MARCHF3: variants seen among roughly 807,000 people sequenced by gnomAD.
MARCHF3 encodes the protein E3 ubiquitin-protein ligase MARCHF3.
MARCHF3 carries 13 observed loss-of-function variants against 24.2 expected under a neutral mutation model. That is an observed-to-expected ratio of 0.54 (90% confidence interval 0.35 to 0.85). The LOEUF is 0.85. Among genes scored for constraint, MARCHF3 ranks in the 40% least tolerant of loss-of-function variants. MARCHF3 has a pLI of 0.01. For missense variants in MARCHF3, 276 were observed against 325.0 expected, an observed-to-expected ratio of 0.85 and a Z score of 1.16; for synonymous variants, 144 against 137.3, an observed-to-expected ratio of 1.05 and a Z score of -0.34.
intron 1 of MARCHF3, among the ~76,000 whole-genome samples, chr5:126,933,370 T>A (rs1372395309): frequency 1.3e-5 from 2 of 152,140 alleles, no homozygotes; most frequent in African/African-American, 4.8e-5. Flanking sequence ...ATTTCTTAGA[T>A]TTACAACGAT....
intron 3 of MARCHF3, among the ~76,000 whole-genome samples, chr5:126,899,585 A>C (rs566350786): frequency 6.6e-6 from 1 of 152,266 alleles, no homozygotes; most frequent in Non-Finnish European, 1.5e-5. Context: ...GAAAAAAAGA[A>C]AGGCTATGTA....
intron 1 of MARCHF3, among the ~76,000 whole-genome samples, chr5:127,028,557 G>C (rs539867703): frequency 2.0e-5 from 3 of 149,518 alleles, no homozygotes; most frequent in East Asian, 2.0e-4. Flanking sequence ...CTTCTATTAA[G>C]GTAGGTTTTT....
rs1425848722 is a variant in MARCHF3 at position 126,869,547 on chromosome 5, G to C, written c.*1086C>G. 6.9e-6 allele frequency: 1 copy of C among 144,934 alleles called. No individual in the cohort carries two copies. The highest frequency in any genetic ancestry group is 1.5e-5 in the Non-Finnish European group (1 of 66,982). 9.0% of individuals were successfully genotyped at this position (144,934 alleles called of 1,614,324 possible). ...CTCCTTTTTAAAGAATCAGACAAAGGGGTCTTAGAATAAGTGCAGGGCTGC... is the reference window on the plus strand; with the variant it reads ...CTCCTTTTTAAAGAATCAGACAAAGCGGTCTTAGAATAAGTGCAGGGCTGC... On this transcript the variant is annotated 3_prime_UTR_variant, in exon 5 of 5. Transcript: ENST00000308660.
At chr5:126,939,366 C>T (rs554983455) in intron 1 of MARCHF3, among the ~76,000 whole-genome samples, 253 of 152,254 alleles carry the variant, frequency 1.7e-3, no homozygotes, top group African/African-American at 5.6e-3. Context: ...GGTCCAGGAG[C>T]GGCTGGGCTG....
intron 3 of MARCHF3, among the ~76,000 whole-genome samples, chr5:126,903,047 A>G (rs1481203892): frequency 6.6e-6 from 1 of 152,106 alleles, no homozygotes; most frequent in Admixed American, 6.6e-5. Context: ...TTACCTTGTG[A>G]TTTTGAATCA....
intron 1 of MARCHF3, among the ~76,000 whole-genome samples, chr5:126,924,187 C>T (rs149352050): frequency 1.0e-3 from 157 of 152,296 alleles, no homozygotes; most frequent in African/African-American, 3.4e-3. Flanking sequence ...GGGACCCACA[C>T]CGAAGAACTG....
intron 3 of MARCHF3, among the ~76,000 whole-genome samples, chr5:126,886,539 T>C (rs1170931545): frequency 6.6e-6 from 1 of 152,206 alleles, no homozygotes; most frequent in African/African-American, 2.4e-5. Flanking sequence ...GTGGCTTTGA[T>C]GGAGTGGTGA....
At chr5:126,874,094 C>G (rs1057388362) in intron 4 of MARCHF3, among the ~76,000 whole-genome samples, 33 of 152,164 alleles carry the variant, frequency 2.2e-4, no homozygotes, top group African/African-American at 8.0e-4. Context: ...TATAGGGCCA[C>G]TATTATAAAA....
At chr5:126,913,308 T>A (rs1754603663) in intron 3 of MARCHF3, among the ~76,000 whole-genome samples, 1 of 152,232 alleles carries the variant, frequency 6.6e-6, no homozygotes, top group Admixed American at 6.5e-5. Flanking sequence ...ACTTCCTCAC[T>A]GTGGGAAGCC....
intron 1 of MARCHF3, among the ~76,000 whole-genome samples, 169 bp from the exon 2 acceptor site, chr5:126,918,396 A>C (rs920922501): frequency 6.6e-6 from 1 of 152,084 alleles, no homozygotes; most frequent in Non-Finnish European, 1.5e-5. Context: ...ACACACACAC[A>C]CACACAGAGC....
chr5:126,925,221 G>A (rs1749251998), intron 1 of MARCHF3, among the ~76,000 whole-genome samples: 1 of 152,084 alleles, frequency 6.6e-6, no homozygotes, highest in South Asian at 2.1e-4. Context: ...CCAGTGATGA[G>A]TTAGAGGGAG....
chr5:126,934,731 AAG>A (rs1408502944), intron 1 of MARCHF3, among the ~76,000 whole-genome samples: 9 of 152,314 alleles, frequency 5.9e-5, no homozygotes, highest in Middle Eastern at 3.4e-3. Context: ...AAGAAAGAAA[AAG>A]AAAAAATAAA....
intron 1 of MARCHF3, among the ~76,000 whole-genome samples, chr5:126,990,902 A>G (rs901109723): frequency 2.6e-5 from 4 of 152,182 alleles, no homozygotes; most frequent in Non-Finnish European, 5.9e-5. Context: ...AAAACAACAG[A>G]TGCTGGAGAG....
intron 1 of MARCHF3, among the ~76,000 whole-genome samples, chr5:127,017,079 G>A (rs1291202382): frequency 6.6e-6 from 1 of 152,066 alleles, no homozygotes; most frequent in African/African-American, 2.4e-5. Context: ...ACACTTGGAC[G>A]CAGGGAGGGG....
chr5:126,909,380 T>C lies in MARCHF3; in HGVS notation c.393+5550A>G, dbSNP rs1207849416. 3.9e-5 allele frequency among the ~76,000 whole-genome samples: 6 copies of C among 152,366 alleles called. No individual in the cohort carries two copies. The East Asian group carries it at 1.2e-3, about 29-fold the overall frequency. ...AAGCTTCCCGGCTGCTTTGTTTACC[T>C]AATCAAGCCTGGGCAATGGCGGGCG... On this transcript the variant is annotated intron_variant, in intron 3 of 4. Transcript: ENST00000308660.
chr5:127,020,161 C>T (rs942222839), intron 1 of MARCHF3, among the ~76,000 whole-genome samples: 1 of 152,238 alleles, frequency 6.6e-6, no homozygotes, highest in African/African-American at 2.4e-5. Context: ...ATCTGTTCTT[C>T]TCCCTAAACA....
At chr5:126,965,929 T>G (rs1222139750) in intron 1 of MARCHF3, among the ~76,000 whole-genome samples, 1 of 152,234 alleles carries the variant, frequency 6.6e-6, no homozygotes, top group African/African-American at 2.4e-5. Flanking sequence ...GCATTTTTAT[T>G]CATGCAAACA....
chr5:127,003,935 G>A (rs1433968733), intron 1 of MARCHF3, among the ~76,000 whole-genome samples: 1 of 152,186 alleles, frequency 6.6e-6, no homozygotes, highest in Non-Finnish European at 1.5e-5. Flanking sequence ...CAGGGTTCTG[G>A]GAGGGGCCCT....
intron 1 of MARCHF3, among the ~76,000 whole-genome samples, chr5:126,959,087 C>T (rs1448610891): frequency 2.0e-5 from 3 of 152,032 alleles, no homozygotes; most frequent in African/African-American, 7.2e-5. Context: ...AGCGTAACTC[C>T]CTATTCCTTG....
Sources: allele counts gnomAD v4.1 joint callset (sites outside exome capture counted in the v4.1 genomes callset), GRCh38; gene constraint gnomAD v4.1.1; transcripts MANE v1.5; gene names NCBI Gene and HGNC (gene_info 2026-07-23, HGNC 2026-07-21).